The following KCNQ5 variants were observed in gnomAD, a reference collection of about 807,000 sequenced individuals.
The protein encoded by KCNQ5 is potassium voltage-gated channel subfamily Q member 5.
In KCNQ5, 30 loss-of-function variants were observed where a neutral mutation model predicts 98.2. The ratio of observed to expected loss-of-function variants is 0.31; its 90% CI spans 0.23 to 0.41. KCNQ5 has a LOEUF of 0.41. KCNQ5 is among the 10% of genes least tolerant of loss of function. KCNQ5 has a pLI of 1.00. For missense variants in KCNQ5, 835 were observed against 1,182.5 expected, an observed-to-expected ratio of 0.71 and a Z score of 4.31; for synonymous variants, 458 against 449.4, an observed-to-expected ratio of 1.02 and a Z score of -0.24.
At chr6:72,824,284 C>G (rs1304538868) in intron 1 of KCNQ5, among the ~76,000 whole-genome samples, 1 of 151,728 alleles carries the variant, frequency 6.6e-6, no homozygotes, top group African/African-American at 2.4e-5. Flanking sequence ...GTAGTAAATT[C>G]CAGCGGTGGT....
chr6:72,876,835 C>T (rs897028121), intron 1 of KCNQ5, among the ~76,000 whole-genome samples: 1 of 152,026 alleles, frequency 6.6e-6, no homozygotes, highest in African/African-American at 2.4e-5. Flanking sequence ...GAATTAGGAC[C>T]TTGGTATGTT....
intron 1 of KCNQ5, among the ~76,000 whole-genome samples, chr6:72,700,768 C>T (rs939394270): frequency 3.3e-5 from 5 of 152,136 alleles, no homozygotes; most frequent in African/African-American, 7.2e-5. Flanking sequence ...GACCTAGCAC[C>T]GGCACATTCC....
chr6:72,714,189 T>C (rs1769523460), intron 1 of KCNQ5, among the ~76,000 whole-genome samples: 1 of 152,162 alleles, frequency 6.6e-6, no homozygotes, highest in South Asian at 2.1e-4. Flanking sequence ...TGAAGGCCTC[T>C]TCTTACTAAG....
chr6:72,822,164 T>C (rs1272619135), intron 1 of KCNQ5, among the ~76,000 whole-genome samples: 1 of 152,198 alleles, frequency 6.6e-6, no homozygotes. Context: ...TGTGACCAGC[T>C]GCAGAGACTA....
At chr6:73,131,196 G>T (rs756299285) in intron 9 of KCNQ5, among the ~76,000 whole-genome samples, 6 of 151,896 alleles carry the variant, frequency 4.0e-5, no homozygotes, top group Non-Finnish European at 4.4e-5. Flanking sequence ...AACAAACTAT[G>T]GTGGATTGAA....
intron 1 of KCNQ5, among the ~76,000 whole-genome samples, chr6:72,976,003 T>C (rs998833807): frequency 2.0e-5 from 3 of 152,194 alleles, no homozygotes; most frequent in African/African-American, 7.2e-5. Context: ...GTAACCAAAT[T>C]CATAATTGAT....
At chr6:72,724,123 TAG>T (rs1377828226) in intron 1 of KCNQ5, among the ~76,000 whole-genome samples, 1 of 152,208 alleles carries the variant, frequency 6.6e-6, no homozygotes, top group Non-Finnish European at 1.5e-5. Flanking sequence ...CTAATTATTT[TAG>T]AGAGTCTTGG....
At chr6:73,004,162 T>A (rs1166841383) in intron 2 of KCNQ5, among the ~76,000 whole-genome samples, 164 bp downstream of exon 2, 1 of 152,222 alleles carries the variant, frequency 6.6e-6, no homozygotes, top group East Asian at 1.9e-4. Context: ...CAATTTAACA[T>A]GTAGTCAATC....
chr6:72,918,199 C>G (rs1179595915), intron 1 of KCNQ5, among the ~76,000 whole-genome samples: 1 of 152,078 alleles, frequency 6.6e-6, no homozygotes, highest in African/African-American at 2.4e-5. Context: ...GCATGCACTC[C>G]TCTCTCTTAA....
In KCNQ5 at chr6:73,193,860, C is replaced by G. The variant is rs1765690075; in HGVS notation, c.1837-592C>G. Among the ~76,000 whole-genome samples the G allele has an allele frequency of 2.4e-5, 3 of 123,804 alleles. No homozygotes were observed. The South Asian group carries it at 7.8e-4, about 32-fold the overall frequency. The allele number at this position is 123,804 out of a possible 152,430, so 81.2% of individuals were successfully genotyped here. On this transcript the variant is annotated intron_variant, in intron 13 of 13. Transcript: ENST00000370398. ...TCTTTTTTTTTTTTTTTTTTTCAGA[C>G]AGGGACTTCTCTGTCACCCAGGCTG...
At chr6:72,869,813 C>T (rs566574664) in intron 1 of KCNQ5, among the ~76,000 whole-genome samples, 6 of 152,294 alleles carry the variant, frequency 3.9e-5, no homozygotes, top group African/African-American at 1.4e-4. Flanking sequence ...AGTGTCGGGT[C>T]AAAGCTGGAC....
intron 1 of KCNQ5, among the ~76,000 whole-genome samples, chr6:72,975,168 G>A (rs1456945162): frequency 6.6e-6 from 1 of 151,940 alleles, no homozygotes; most frequent in African/African-American, 2.4e-5. Flanking sequence ...AATATGTTAG[G>A]TAAAGCCACA....
intron 1 of KCNQ5, among the ~76,000 whole-genome samples, chr6:72,915,802 C>A (rs772471904): frequency 8.5e-5 from 13 of 152,142 alleles, no homozygotes; most frequent in Non-Finnish European, 1.5e-4. Context: ...TCTGTTTTCA[C>A]ATCCAGTCTT....
chr6:72,819,472 A>G (rs1005891345), intron 1 of KCNQ5, among the ~76,000 whole-genome samples: 3 of 151,954 alleles, frequency 2.0e-5, no homozygotes, highest in African/African-American at 7.3e-5. Context: ...TTCATAATTT[A>G]AAGCCCTTTT....
intron 1 of KCNQ5, among the ~76,000 whole-genome samples, chr6:72,921,824 G>T (rs1309768753): frequency 6.6e-6 from 1 of 152,066 alleles, no homozygotes; most frequent in Non-Finnish European, 1.5e-5. Context: ...AAACAAAGCT[G>T]GGTGTCAGTA....
intron 1 of KCNQ5, among the ~76,000 whole-genome samples, chr6:72,970,578 C>T (rs951974046): frequency 3.3e-5 from 5 of 152,052 alleles, no homozygotes; most frequent in Middle Eastern, 3.2e-3. Flanking sequence ...GGAGGCATCA[C>T]GCTACCTAAC....
chr6:73,125,847 A>AGAGTTAC (rs148895810), intron 9 of KCNQ5, among the ~76,000 whole-genome samples: 1 of 152,108 alleles, frequency 6.6e-6, no homozygotes, highest in African/African-American at 2.4e-5. Context: ...ACTACCAAAT[A>AGAGTTAC]AGCCAAGGGC....
At chr6:72,878,986 T>C (rs923443471) in intron 1 of KCNQ5, among the ~76,000 whole-genome samples, 2 of 152,220 alleles carry the variant, frequency 1.3e-5, no homozygotes, top group Admixed American at 6.5e-5. Flanking sequence ...GTTATAGTCA[T>C]ATTTTGGATA....
At chr6:72,834,491 T>G (rs1760106422) in intron 1 of KCNQ5, among the ~76,000 whole-genome samples, 2 of 152,182 alleles carry the variant, frequency 1.3e-5, no homozygotes. Flanking sequence ...TTGCAAAATA[T>G]AGGAATTGAT....
Sources: allele counts gnomAD v4.1 joint callset (sites outside exome capture counted in the v4.1 genomes callset), GRCh38; gene constraint gnomAD v4.1.1; transcripts MANE v1.5; gene names NCBI Gene and HGNC (gene_info 2026-07-23, HGNC 2026-07-21).